Variants in BIRC5 observed in about 807,000 individuals in gnomAD.
BIRC5 encodes baculoviral IAP repeat containing 5.
In BIRC5, 8 loss-of-function variants were observed where a neutral mutation model predicts 15.8. That is an observed-to-expected ratio of 0.51 (90% CI 0.30 to 0.91). The LOEUF (loss-of-function observed/expected upper bound fraction) is 0.91. BIRC5 is among the 40% of genes least tolerant of loss of function. The pLI is 0.07. For missense variants in BIRC5, 163 were observed against 178.6 expected (o/e 0.91, Z 0.50); for synonymous variants, 56 against 64.5 (o/e 0.87, Z 0.63).
intron 3 of BIRC5, 142 bp downstream of exon 3, chr17:78,216,923 A>G (rs2076482507): frequency 1.8e-6 from 1 of 570,224 alleles, no homozygotes; most frequent in African/African-American, 1.9e-5. Context: ...CTTGTTGCCC[A>G]GGCTGGAGTG....
chr17:78,216,799 G>C lies in BIRC5; in HGVS notation c.339+18G>C. 6.3e-7 allele frequency: 1 copy of C among 1,583,180 alleles called. No homozygotes were observed. The highest frequency in any genetic ancestry group is 8.7e-7 in the Non-Finnish European group (1 of 1,154,610). ...ACAAAATTGTATGTATTGGGAATAA[G>C]AACTGCTCAAACCCTGTTCAATGTC... On this transcript the variant is annotated intron_variant, in intron 3 of 3. Transcript: ENST00000350051.
chr17:78,216,329 C>G (rs1004534716), intron 2 of BIRC5: 2 of 189,780 alleles, frequency 1.1e-5, no homozygotes, highest in Non-Finnish European at 2.2e-5. Context: ...CAAACAGTTC[C>G]TTGAGAATGT....
intron 2 of BIRC5, 94 bp downstream of exon 2, chr17:78,214,883 T>C: frequency 5.1e-6 from 6 of 1,172,744 alleles, no homozygotes; most frequent in African/African-American, 1.5e-5. Flanking sequence ...GGAGGGTTGC[T>C]TTCCACCCTC....
chr17:78,215,969 G>T (rs1206504741), intron 2 of BIRC5: 11 of 1,065,392 alleles, frequency 1.0e-5, no homozygotes, highest in Non-Finnish European at 1.3e-5. Flanking sequence ...CTTACAGTGG[G>T]CCGGGCACGG....
chr17:78,223,133 C>T, intron 3 of BIRC5: 1 of 846,866 alleles, frequency 1.2e-6, no homozygotes, highest in Non-Finnish European at 1.7e-6. Flanking sequence ...GTTTCCTCAC[C>T]TGTATAGTAG....
chr17:78,223,725 C>T lies in BIRC5; in HGVS notation c.*171C>T. On this transcript the variant is annotated 3_prime_UTR_variant, in exon 4 of 4. Transcript: ENST00000350051. ...TCTTGTTTTGTCTTGAAAGTGGCAC[C>T]AGAGGTGCTTCTGCCTGTGCAGCGG... is the stretch of plus-strand genomic sequence containing the variant. 7.2e-7 allele frequency: 1 copy of T among 1,387,196 alleles called. No homozygotes were observed. 85.9% of individuals were successfully genotyped at this position (1,387,196 alleles called of 1,614,324 possible).
chr17:78,217,621 C>T (rs923096446), intron 3 of BIRC5, among the ~76,000 whole-genome samples: 5 of 152,200 alleles, frequency 3.3e-5, no homozygotes, highest in Admixed American at 6.5e-5. Context: ...CTCAGCCTCC[C>T]GAGTAGCTGG....
At chr17:78,215,802 T>A (rs1276789471) in intron 2 of BIRC5, among the ~76,000 whole-genome samples, 1 of 152,238 alleles carries the variant, frequency 6.6e-6, no homozygotes, top group Non-Finnish European at 1.5e-5. Context: ...ACTGGCTGTC[T>A]TTTTGGACTT....
chr17:78,222,754 G>A, intron 3 of BIRC5: 1 of 1,519,298 alleles, frequency 6.6e-7, no homozygotes, highest in East Asian at 2.4e-5. Context: ...TAGTAGAGGA[G>A]TTAGGGTTTA....
chr17:78,216,444 G>T, intron 2 of BIRC5: 1 of 487,092 alleles, frequency 2.1e-6, no homozygotes, highest in Non-Finnish European at 3.8e-6. Context: ...CCACACAGAT[G>T]TGGGGGGAGA....
At position 78,214,534 on chromosome 17, in the gene BIRC5, C is replaced by G; in HGVS notation, c.111+107C>G. On this transcript the variant is annotated intron_variant, in intron 1 of 3. Coordinates refer to ENST00000350051, the MANE Select transcript of BIRC5 (RefSeq NM_001168.3). ...GTACAAGCCGCCCTCCCCTCCCCGT[C>G]CTGTCCCCAGCGAGGCCACTGTGGC... 4 of 1,268,200 alleles carry G rather than the reference C, an allele frequency of 3.2e-6. No homozygotes were observed. In the East Asian group the frequency reaches 1.0e-4, roughly 33 times the overall value. 78.6% of individuals were successfully genotyped at this position (1,268,200 alleles called of 1,614,324 possible).
intron 3 of BIRC5, among the ~76,000 whole-genome samples, chr17:78,222,544 A>T (rs2076522304): frequency 2.0e-5 from 3 of 152,182 alleles, no homozygotes; most frequent in African/African-American, 7.2e-5. Flanking sequence ...GCATGCCTGT[A>T]ATCCCAGCTA....
intron 3 of BIRC5, among the ~76,000 whole-genome samples, chr17:78,218,598 A>C (rs796321866): frequency 1.8e-4 from 24 of 135,954 alleles, no homozygotes; most frequent in African/African-American, 6.6e-4. Flanking sequence ...TCTTTTTAAA[A>C]TTTTTTGATT....
rs780132033 is a variant in BIRC5 at position 78,216,612 on chromosome 17, T to C, written c.222-52T>C. 2.1e-5 allele frequency: 33 copies of C among 1,542,452 alleles called. No individual in the cohort carries two copies. The East Asian group carries it at 7.3e-4, about 34-fold the overall frequency. Reference sequence around the variant, plus strand: ...GGGAGGTGGCCCGTGGGGAGTGGACTGCCGCTTTAATCCCTTCAGCTGCCT... The same window carrying C: ...GGGAGGTGGCCCGTGGGGAGTGGACCGCCGCTTTAATCCCTTCAGCTGCCT... On this transcript the variant is annotated intron_variant, in intron 2 of 3. Transcript: ENST00000350051.
At chr17:78,217,325 GC>G (rs1180415149) in intron 3 of BIRC5, among the ~76,000 whole-genome samples, 1 of 151,590 alleles carries the variant, frequency 6.6e-6, no homozygotes, top group Non-Finnish European at 1.5e-5. Context: ...ACAGGCATGT[GC>G]CACCACACCC....
intron 3 of BIRC5, among the ~76,000 whole-genome samples, chr17:78,218,405 T>C (rs1297392271): frequency 6.6e-6 from 1 of 151,140 alleles, no homozygotes; most frequent in Non-Finnish European, 1.5e-5. Context: ...GCGATTCTCC[T>C]GCCTTAGCCT....
chr17:78,218,871 C>G (rs982221623), intron 3 of BIRC5, among the ~76,000 whole-genome samples: 1 of 151,946 alleles, frequency 6.6e-6, no homozygotes, highest in African/African-American at 2.4e-5. Context: ...CCTCCCAAAG[C>G]GCTGAGATTA....
intron 3 of BIRC5, among the ~76,000 whole-genome samples, chr17:78,219,984 A>G (rs2661688): frequency 0.23 from 34,442 of 152,166 alleles, 4,282 homozygotes; most frequent in Non-Finnish European, 0.28. Flanking sequence ...GCCCTTGCAA[A>G]TAGAGCAACT....
intron 3 of BIRC5, among the ~76,000 whole-genome samples, chr17:78,217,134 T>C (rs1264756347): frequency 6.6e-6 from 1 of 150,720 alleles, no homozygotes; most frequent in Admixed American, 6.6e-5. Context: ...CACCTTGGCC[T>C]CCCAAAGTGC....
Sources: allele counts gnomAD v4.1 joint callset (sites outside exome capture counted in the v4.1 genomes callset), GRCh38; gene constraint gnomAD v4.1.1; transcripts MANE v1.5; gene names NCBI Gene and HGNC (gene_info 2026-07-23, HGNC 2026-07-21).